The following HPCAL1 variants were observed in gnomAD, a reference collection of about 807,000 sequenced individuals.
The protein encoded by HPCAL1 is hippocalcin-like protein 1.
In HPCAL1, 8 loss-of-function variants were observed where a neutral mutation model predicts 17.1. The observed-to-expected ratio is 0.47, with a 90% CI of 0.27 to 0.84. HPCAL1 has a LOEUF of 0.84. HPCAL1 is among the 40% of genes least tolerant of loss of function. The pLI is 0.13. For synonymous variants in HPCAL1, 112 were observed against 111.4 expected, an observed-to-expected ratio of 1.01 and a Z score of -0.03; for missense variants, 165 against 271.1, an observed-to-expected ratio of 0.61 and a Z score of 2.75.
chr2:10,423,387 G>A (rs1671192491), intron 4 of HPCAL1: 1 of 308,000 alleles, frequency 3.2e-6, no homozygotes, highest in Non-Finnish European at 6.2e-6. Context: ...AATGTTTAGG[G>A]GCAGGGAGGC....
At position 10,419,747 on chromosome 2, in the gene HPCAL1, C is replaced by T; in HGVS notation, c.-11C>T. 3 of 1,602,548 alleles carry T rather than the reference C, an allele frequency of 1.9e-6. No individual in the cohort carries two copies. Among genetic ancestry groups the T allele is most frequent in the South Asian group, 2.2e-5 (2 of 89,840 alleles). Reference sequence around the variant, plus strand: ...CCTGTCTTGCAGGTGTAGTCGCCGCCGCCAGCCGCCATGGGCAAACAGAAC... The same window carrying T: ...CCTGTCTTGCAGGTGTAGTCGCCGCTGCCAGCCGCCATGGGCAAACAGAAC... On this transcript the variant is annotated 5_prime_UTR_variant, in exon 3 of 5. Coordinates refer to ENST00000307845, the MANE Select transcript of HPCAL1 (RefSeq NM_002149.4). The surrounding 1 kb of genome is among the most constrained non-coding windows in gnomAD (Gnocchi z 5.0).
rs372027751 is a variant in HPCAL1, at chr2:10,408,904, C to A, written c.-24-10830C>A. On this transcript the variant is annotated intron_variant, in intron 2 of 4. Transcript: ENST00000307845. ...TGCTACTTCTACCCAGCACTGCCCA[C>A]GGGAAATAAAGTGGGAGACACATAC... Among the ~76,000 whole-genome samples the A allele has an allele frequency of 1.3e-4, 20 of 152,252 alleles. No homozygotes were observed. The East Asian group carries it at 3.5e-3, about 26-fold the overall frequency.
intron 1 of HPCAL1, among the ~76,000 whole-genome samples, chr2:10,337,098 T>C (rs57128023): frequency 0.21 from 31,354 of 151,874 alleles, 3,970 homozygotes; most frequent in African/African-American, 0.35. Flanking sequence ...TGGGAATGGC[T>C]ATGTGGTGCG....
intron 1 of HPCAL1, among the ~76,000 whole-genome samples, chr2:10,322,198 T>C (rs139710233): frequency 6.6e-6 from 1 of 152,162 alleles, no homozygotes; most frequent in East Asian, 1.9e-4. Context: ...AATTTTTAAA[T>C]GTTTAGTAGA....
intron 1 of HPCAL1, among the ~76,000 whole-genome samples, chr2:10,329,610 A>G (rs1664231042): frequency 6.6e-6 from 1 of 152,266 alleles, no homozygotes. Flanking sequence ...ACAGAACTGT[A>G]TGAAAACACG....
intron 1 of HPCAL1, among the ~76,000 whole-genome samples, chr2:10,346,037 G>T (rs1034003230): frequency 2.0e-5 from 3 of 152,024 alleles, no homozygotes; most frequent in East Asian, 3.9e-4. Context: ...GTGCCCTGGG[G>T]GTGTGTGTGT....
At chr2:10,393,839 G>A (rs1479697561) in intron 1 of HPCAL1, among the ~76,000 whole-genome samples, 2 of 152,076 alleles carry the variant, frequency 1.3e-5, no homozygotes. Context: ...TTAGGCCCGG[G>A]CGTGGTGGCT....
At chr2:10,319,913 G>T (rs1287374204) in intron 1 of HPCAL1, among the ~76,000 whole-genome samples, 1 of 152,064 alleles carries the variant, frequency 6.6e-6, no homozygotes, top group East Asian at 1.9e-4. Flanking sequence ...GCTGCTGCAG[G>T]TCTGGGTCTT....
chr2:10,350,205 T>C (rs1267145360), intron 1 of HPCAL1, among the ~76,000 whole-genome samples: 1 of 152,174 alleles, frequency 6.6e-6, no homozygotes, highest in Non-Finnish European at 1.5e-5. Flanking sequence ...GCCCGAAGGT[T>C]CCCACATGCT....
intron 1 of HPCAL1, among the ~76,000 whole-genome samples, chr2:10,352,230 A>C (rs554647253): frequency 6.6e-6 from 1 of 152,226 alleles, no homozygotes; most frequent in South Asian, 2.1e-4. Context: ...GTGAACCGCA[A>C]GTGTTCTGCC....
chr2:10,325,794 T>G (rs1663972246), intron 1 of HPCAL1, among the ~76,000 whole-genome samples: 1 of 152,210 alleles, frequency 6.6e-6, no homozygotes, highest in African/African-American at 2.4e-5. Flanking sequence ...TGCAGGTGTC[T>G]TTGCACCTCG....
intron 1 of HPCAL1, among the ~76,000 whole-genome samples, chr2:10,385,908 C>G (rs1036873568): frequency 2.0e-5 from 3 of 152,056 alleles, no homozygotes; most frequent in African/African-American, 7.3e-5. Context: ...GGGGGGTGTC[C>G]GGAGCCTCTC....
chr2:10,314,748 G>C (rs999182090), intron 1 of HPCAL1, among the ~76,000 whole-genome samples: 5 of 152,188 alleles, frequency 3.3e-5, no homozygotes, highest in Admixed American at 2.6e-4. Context: ...GAGTATTATA[G>C]AGATAAGTAA....
At chr2:10,366,902 ATAC>A (rs1472160529) in intron 1 of HPCAL1, among the ~76,000 whole-genome samples, 1 of 152,170 alleles carries the variant, frequency 6.6e-6, no homozygotes, top group African/African-American at 2.4e-5. Flanking sequence ...AGTGTGTCTC[ATAC>A]AGTGACCTTG....
intron 1 of HPCAL1, among the ~76,000 whole-genome samples, chr2:10,319,008 G>A (rs1211104583): frequency 2.0e-5 from 3 of 152,176 alleles, no homozygotes; most frequent in East Asian, 1.9e-4. Context: ...CCTCCCTTTC[G>A]CAGGCTGCTT....
rs1411112107 is a variant in HPCAL1 at position 10,359,800 on chromosome 2, ATGTAT to A, written c.-110-37031_-110-37027del. 6.6e-6 allele frequency among the ~76,000 whole-genome samples: 1 copy of A among 151,986 alleles called. No homozygotes were observed. The highest frequency in any genetic ancestry group is 1.5e-5 in the Non-Finnish European group (1 of 67,978). On this transcript the variant is annotated intron_variant, in intron 1 of 4. Transcript: ENST00000307845. This position sits in a 1 kb window ranked among gnomAD's most constrained non-coding sequence, Gnocchi z 4.1. The stretch of plus-strand genomic sequence containing the variant: ...CCCCACAGCGGTGGCGGTTTTATTG[ATGTAT>A]TGTGAAGGCACAGGGAGGGCCCTTT...
intron 1 of HPCAL1, among the ~76,000 whole-genome samples, chr2:10,393,239 G>C (rs1468720172): frequency 6.6e-6 from 1 of 152,248 alleles, no homozygotes; most frequent in African/African-American, 2.4e-5. Flanking sequence ...ATCTCTATCT[G>C]TCACTGGGAA....
chr2:10,416,436 C>T lies in HPCAL1; in HGVS notation c.-24-3298C>T, dbSNP rs369415300. On this transcript the variant is annotated intron_variant, in intron 2 of 4. Coordinates refer to ENST00000307845, the MANE Select transcript of HPCAL1 (RefSeq NM_002149.4). ...GTCCAGAGCTCACCTGGGTGAGACC[C>T]GAGAGCTGTCAGTGACAGCAGAATC... Among the ~76,000 whole-genome samples, 13 of 152,244 alleles carry T rather than the reference C, an allele frequency of 8.5e-5. No individual in the cohort carries two copies. The South Asian group carries it at 1.7e-3, about 19-fold the overall frequency.
chr2:10,305,495 C>G (rs556097010), intron 1 of HPCAL1, among the ~76,000 whole-genome samples: 41 of 152,300 alleles, frequency 2.7e-4, no homozygotes, highest in Admixed American at 2.4e-3. Flanking sequence ...CACGGTGGCA[C>G]ATTCTAGCCT....
Sources: gnomAD v4.1 joint callset for allele counts (sites outside exome capture counted in the v4.1 genomes callset) on GRCh38, gnomAD v4.1.1 for gene constraint, Gnocchi (gnomAD v3.1) non-coding constraint, MANE v1.5 for transcripts, NCBI Gene and HGNC (gene_info 2026-07-23, HGNC 2026-07-21) for gene names.